MORC1: variants seen among roughly 807,000 people sequenced by gnomAD.
MORC1 encodes the protein MORC family CW-type zinc finger protein 1.
A neutral mutation model predicts 134.9 loss-of-function variants in MORC1; 59 were observed. The ratio of observed to expected loss-of-function variants is 0.44; its 90% confidence interval spans 0.35 to 0.54. The LOEUF (loss-of-function observed/expected upper bound fraction) is 0.54. Ranked by LOEUF, MORC1 falls within the 20% of genes least tolerant of loss-of-function variation. The probability of loss-of-function intolerance (pLI) is 0.00; values close to 1 mark genes in which losing one functional copy is unlikely to be tolerated. For missense variants in MORC1, 947 were observed against 1,134.5 expected (o/e 0.83, Z 2.37); for synonymous variants, 395 against 391.7 (o/e 1.01, Z -0.10).
At chr3:109,081,746 C>G (rs983159951) in intron 8 of MORC1, among the ~76,000 whole-genome samples, 2 of 152,168 alleles carry the variant, frequency 1.3e-5, no homozygotes, top group African/African-American at 2.4e-5. Flanking sequence ...AGCCACTGCG[C>G]CCAGCCAAGA....
chr3:109,003,738 T>C (rs1948466394), intron 20 of MORC1, among the ~76,000 whole-genome samples: 1 of 152,200 alleles, frequency 6.6e-6, no homozygotes, highest in African/African-American at 2.4e-5. Context: ...CCTGAAATTC[T>C]GTAGGTTGTA....
intron 8 of MORC1, among the ~76,000 whole-genome samples, chr3:109,079,131 A>C (rs1319635002): frequency 6.6e-6 from 1 of 152,090 alleles, no homozygotes; most frequent in African/African-American, 2.4e-5. Flanking sequence ...AGGCTACCAT[A>C]ATCTATATAC....
Position 109,063,250 on chromosome 3 carries a change from A to G in MORC1, c.816-19T>C, listed in dbSNP as rs749640241. 1 of 1,472,024 alleles carries G rather than the reference A, an allele frequency of 6.8e-7. No individual in the cohort carries two copies. The highest frequency in any genetic ancestry group is 2.3e-5 in the East Asian group (1 of 43,870). 91.2% of individuals were successfully genotyped at this position (1,472,024 alleles called of 1,614,324 possible). ...ATACTTTCTGGAAAGAAACAAAAAG[A>G]ACATAATCAAGTCAGATTATCATTT... On this transcript the variant is annotated intron_variant, in intron 9 of 27. Transcript: ENST00000232603.
At chr3:109,115,771 C>G (rs1951258644) in intron 1 of MORC1, among the ~76,000 whole-genome samples, 1 of 152,126 alleles carries the variant, frequency 6.6e-6, no homozygotes, top group Admixed American at 6.5e-5. Flanking sequence ...TCTTGGATGT[C>G]CTGGAGCTCA....
intron 3 of MORC1, among the ~76,000 whole-genome samples, chr3:109,106,374 T>C (rs964627096): frequency 6.6e-6 from 1 of 152,224 alleles, no homozygotes; most frequent in African/African-American, 2.4e-5. Context: ...TCTCCTTTTT[T>C]TGTAAATCCA....
At position 109,066,747 on chromosome 3, in the gene MORC1, A is replaced by C. The variant is rs532870014; in HGVS notation, c.815+2885T>G. 1.2e-3 allele frequency among the ~76,000 whole-genome samples: 178 copies of C among 152,320 alleles called. 1 individual carries two copies. The highest frequency in any genetic ancestry group is 4.1e-3 in the African/African-American group (170 of 41,566). ...CCTTGCTGTTTTTATGTTTAACATA[A>C]AACACTGTTTTATTTTAGCCCTCAT... is the stretch of plus-strand genomic sequence containing the variant. On this transcript the variant is annotated intron_variant, in intron 9 of 27. Transcript: ENST00000232603.
chr3:109,071,479 C>T (rs560019617), intron 8 of MORC1, among the ~76,000 whole-genome samples: 1 of 152,188 alleles, frequency 6.6e-6, no homozygotes, highest in South Asian at 2.1e-4. Context: ...TTAGGAGATT[C>T]ACTGGAAGGA....
At chr3:109,062,121 A>G in intron 10 of MORC1, 63 bp from the exon 11 acceptor site, 1 of 1,425,352 alleles carries the variant, frequency 7.0e-7, no homozygotes, top group South Asian at 1.1e-5. Context: ...TTAAGTGAGT[A>G]TTTTCTATAC....
chr3:108,970,749 C>T (rs930122881), intron 25 of MORC1, among the ~76,000 whole-genome samples: 4 of 152,232 alleles, frequency 2.6e-5, no homozygotes, highest in Non-Finnish European at 4.4e-5. Context: ...GCACCTCACT[C>T]AACTTCACCA....
Position 109,043,075 on chromosome 3 carries a change from AAG to A in MORC1, c.1331-7609_1331-7608del, listed in dbSNP as rs1374810281. 2.0e-5 allele frequency among the ~76,000 whole-genome samples: 3 copies of A among 151,596 alleles called. No homozygotes were observed. In the East Asian group the frequency reaches 5.8e-4, roughly 29 times the overall value. ...TGCTTTTAAAAAACACAGGGCCTTG[AAG>A]AGAAATGTGTATACCCATCTTCATA... On this transcript the variant is annotated intron_variant, in intron 14 of 27. Transcript: ENST00000232603.
intron 3 of MORC1, among the ~76,000 whole-genome samples, chr3:109,105,651 C>T (rs1386928685): frequency 2.0e-5 from 3 of 149,590 alleles, no homozygotes; most frequent in Non-Finnish European, 4.4e-5. Context: ...TGCACTCCAG[C>T]CTGGGCAACA....
chr3:108,978,893 AG>A (rs1947636189), intron 24 of MORC1, among the ~76,000 whole-genome samples: 1 of 152,162 alleles, frequency 6.6e-6, no homozygotes, highest in Non-Finnish European at 1.5e-5. Flanking sequence ...TGGTGCTACC[AG>A]CCCCACCTCC....
chr3:109,100,298 T>C (rs1950901777), intron 5 of MORC1, 119 bp downstream of exon 5: 1 of 782,424 alleles, frequency 1.3e-6, no homozygotes. Context: ...AGGTCACCCC[T>C]GCCTCAAGTT....
At chr3:108,989,656 C>A (rs1367587190) in intron 21 of MORC1, among the ~76,000 whole-genome samples, 2 of 152,150 alleles carry the variant, frequency 1.3e-5, no homozygotes, top group African/African-American at 4.8e-5. Context: ...CCTCTCCACA[C>A]CTACTTCAAG....
chr3:109,088,836 T>A (rs537300520), intron 8 of MORC1, among the ~76,000 whole-genome samples: 1 of 151,996 alleles, frequency 6.6e-6, no homozygotes, highest in African/African-American at 2.4e-5. Context: ...AAATGACAGA[T>A]TGGATAAAGA....
intron 14 of MORC1, among the ~76,000 whole-genome samples, chr3:109,050,029 T>C (rs761065684): frequency 2.0e-5 from 3 of 152,112 alleles, no homozygotes; most frequent in Non-Finnish European, 2.9e-5. Context: ...GGCTGCCATT[T>C]GGAAAAGCTT....
rs182963024 is a variant in MORC1 at position 109,034,998 on chromosome 3, C to T, written c.1459+342G>A. On this transcript the variant is annotated intron_variant, in intron 15 of 27. Coordinates refer to ENST00000232603, the MANE Select transcript of MORC1 (RefSeq NM_014429.4). ...TCCTGAGCTCAAGCAATCTACCCAC[C>T]TCAGCCTCCCTAAGTGCTAGGATTA... Among the ~76,000 whole-genome samples, 245 of 152,210 alleles carry T rather than the reference C, an allele frequency of 1.6e-3. 1 individual carries two copies. The highest frequency in any genetic ancestry group is 5.5e-3 in the African/African-American group (229 of 41,544).
At chr3:109,053,507 A>C (rs1343460354) in intron 14 of MORC1, among the ~76,000 whole-genome samples, 1 of 150,398 alleles carries the variant, frequency 6.6e-6, no homozygotes, top group Non-Finnish European at 1.5e-5. Context: ...CGTTATCCTA[A>C]GCAAACTAAT....
At chr3:109,053,178 T>C (rs2107664779) in intron 14 of MORC1, among the ~76,000 whole-genome samples, 1 of 151,896 alleles carries the variant, frequency 6.6e-6, no homozygotes, top group Middle Eastern at 3.4e-3. Context: ...GGTGGGAATG[T>C]AAATTTGTCT....
Sources: gnomAD v4.1 joint callset for allele counts (sites outside exome capture counted in the v4.1 genomes callset) on GRCh38, gnomAD v4.1.1 for gene constraint, MANE v1.5 for transcripts, NCBI Gene and HGNC (gene_info 2026-07-23, HGNC 2026-07-21) for gene names.